MTUS1: variants seen among roughly 807,000 people sequenced by gnomAD.
MTUS1 encodes the protein microtubule-associated tumor suppressor 1.
In MTUS1, 109 loss-of-function variants were observed where a neutral mutation model predicts 120.8. That is an observed-to-expected ratio of 0.90 (90% CI 0.77 to 1.06). The LOEUF (loss-of-function observed/expected upper bound fraction) is 1.06. MTUS1 is among the 50% of genes least tolerant of loss of function. The pLI is 0.00. For synonymous variants in MTUS1, 737 were observed against 550.5 expected (o/e 1.34, Z -4.74); for missense variants, 2,210 against 1,486.3 (o/e 1.49, Z -8.01).
chr8:17,721,612 ACAAGTTAC>A, intron 4 of MTUS1: 1 of 1,363,428 alleles, frequency 7.3e-7, no homozygotes, highest in Non-Finnish European at 9.8e-7. Context: ...ACCATAAATT[ACAAGTTAC>A]AAAAACAGAA....
At chr8:17,796,275 G>A (rs1232589025) in intron 1 of MTUS1, among the ~76,000 whole-genome samples, 1 of 152,306 alleles carries the variant, frequency 6.6e-6, no homozygotes. Context: ...TTAGATATGG[G>A]CCTGCTAGCA....
Position 17,653,177 on chromosome 8 carries a change from A to G in MTUS1, c.3384+9T>C. 1.3e-6 allele frequency: 2 copies of G among 1,501,248 alleles called. No homozygotes were observed. The highest frequency in any genetic ancestry group is 1.8e-6 in the Non-Finnish European group (2 of 1,114,842). The allele number at this position is 1,501,248 out of a possible 1,614,324, so 93.0% of individuals were successfully genotyped here. The stretch of plus-strand genomic sequence containing the variant: ...ATTCCATACTGATAAAGGAGCACAC[A>G]CAACTTACCAAATTTGCTTTTTCTC... On this transcript the variant is annotated intron_variant, in intron 12 of 14. Transcript: ENST00000693296.
At chr8:17,716,967 CACTT>C (rs1439183645) in intron 4 of MTUS1, among the ~76,000 whole-genome samples, 3 of 152,218 alleles carry the variant, frequency 2.0e-5, no homozygotes, top group African/African-American at 7.2e-5. Context: ...TCACTTCACT[CACTT>C]AGCAAAGGGT....
At chr8:17,742,273 T>G (rs957138685) in intron 3 of MTUS1, among the ~76,000 whole-genome samples, 6 of 122,256 alleles carry the variant, frequency 4.9e-5, no homozygotes, top group African/African-American at 2.1e-4. Flanking sequence ...CCAGCTGTTT[T>G]TTTTTTTTGT....
chr8:17,681,134 A>G (rs908212197), intron 7 of MTUS1, among the ~76,000 whole-genome samples: 2 of 152,072 alleles, frequency 1.3e-5, no homozygotes, highest in Non-Finnish European at 2.9e-5. Context: ...GGGTTTTACC[A>G]TATTGGTCAG....
In MTUS1 at chr8:17,647,071, G is replaced by A. The variant is rs749925176; in HGVS notation, c.3510C>T (p.Asn1170=). The change falls in exon 14 of 15, where the codon AAC becomes AAT. Residue 1170 remains asparagine, a synonymous_variant. Transcript: ENST00000693296. The part of the protein sequence containing the change: ...KLMKMEKLVD[N]NTALVDKLKR... ...TCAATTTGTCAACCAATGCTGTGTT[G>A]TTGTCCACCTTGGCATAAACAAGAA... 5 of 1,613,276 alleles carry A rather than the reference G, an allele frequency of 3.1e-6. No homozygotes were observed. In the South Asian group the frequency reaches 3.3e-5, roughly 11 times the overall value.
At chr8:17,666,454 C>T (rs531466525) in intron 8 of MTUS1, among the ~76,000 whole-genome samples, 1 of 152,192 alleles carries the variant, frequency 6.6e-6, no homozygotes, top group South Asian at 2.1e-4. Flanking sequence ...GGAGTTACTT[C>T]ATATTATTCT....
At chr8:17,672,075 G>C (rs895408060) in intron 8 of MTUS1, among the ~76,000 whole-genome samples, 1 of 152,112 alleles carries the variant, frequency 6.6e-6, no homozygotes, top group Admixed American at 6.6e-5. Flanking sequence ...CACTCTACTG[G>C]ATCAGGAGAA....
In MTUS1 at chr8:17,761,547, T is replaced by C. The variant is rs116065819; in HGVS notation, c.-154-5586A>G. Among the ~76,000 whole-genome samples the C allele has an allele frequency of 4.2e-3, 645 of 152,304 alleles. 7 individuals are homozygous for C. The highest frequency in any genetic ancestry group is 0.015 in the African/African-American group (606 of 41,584). On this transcript the variant is annotated intron_variant, in intron 1 of 14. Transcript: ENST00000693296. ...TTCACCAACTGAACTAGAAACTCAA[T>C]AGAGGCTTATATAAGAGTAGATGTC...
At chr8:17,723,938 A>G (rs1184940715) in intron 3 of MTUS1, 105 bp from the exon 4 acceptor site, 2 of 853,618 alleles carry the variant, frequency 2.3e-6, no homozygotes, top group Non-Finnish European at 3.6e-6. Context: ...CAAAGTCAAA[A>G]CACAAAATGA....
At chr8:17,676,804 G>T (rs910160150) in intron 7 of MTUS1, among the ~76,000 whole-genome samples, 3 of 152,280 alleles carry the variant, frequency 2.0e-5, no homozygotes, top group African/African-American at 7.2e-5. Context: ...ACTAAATGAG[G>T]TTATGAACTA....
intron 4 of MTUS1, chr8:17,721,685 A>C: frequency 6.5e-7 from 1 of 1,543,954 alleles, no homozygotes; most frequent in South Asian, 1.3e-5. Flanking sequence ...GCTTACAAAG[A>C]AAAGAAACCA....
chr8:17,773,947 G>A (rs867259898), intron 1 of MTUS1, among the ~76,000 whole-genome samples: 2 of 152,030 alleles, frequency 1.3e-5, no homozygotes, highest in African/African-American at 2.4e-5. Context: ...AAGACTAGGA[G>A]GCACACCTAA....
At chr8:17,732,195 G>T (rs1453383771) in intron 3 of MTUS1, among the ~76,000 whole-genome samples, 1 of 152,210 alleles carries the variant, frequency 6.6e-6, no homozygotes, top group Admixed American at 6.5e-5. Flanking sequence ...GATGAGTGGA[G>T]AGGCAGAAAG....
intron 8 of MTUS1, among the ~76,000 whole-genome samples, chr8:17,661,502 G>C (rs1809687336): frequency 6.6e-6 from 1 of 152,152 alleles, no homozygotes; most frequent in African/African-American, 2.4e-5. Flanking sequence ...GACTACCCTG[G>C]CTGATTTTAA....
chr8:17,729,577 T>C (rs1197537009), intron 3 of MTUS1, among the ~76,000 whole-genome samples: 7 of 152,186 alleles, frequency 4.6e-5, no homozygotes, highest in Non-Finnish European at 8.8e-5. Context: ...TGCTATTCTA[T>C]TGTGAAAATT....
intron 7 of MTUS1, among the ~76,000 whole-genome samples, chr8:17,684,034 G>A (rs530142222): frequency 6.6e-6 from 1 of 152,248 alleles, no homozygotes; most frequent in East Asian, 1.9e-4. Context: ...AAATGCTAAT[G>A]CTAGTTTAGG....
At chr8:17,798,313 A>C (rs1313622942) in intron 1 of MTUS1, among the ~76,000 whole-genome samples, 1 of 152,132 alleles carries the variant, frequency 6.6e-6, no homozygotes, top group Non-Finnish European at 1.5e-5. Flanking sequence ...TGAATTTGAA[A>C]AGATTCTAAT....
chr8:17,697,437 C>G, intron 6 of MTUS1: 10 of 1,596,704 alleles, frequency 6.3e-6, no homozygotes, highest in Non-Finnish European at 7.7e-6. Context: ...CTGTCACATA[C>G]TGTCTTTTTA....
Sources: allele counts gnomAD v4.1 joint callset (sites outside exome capture counted in the v4.1 genomes callset), GRCh38; gene constraint gnomAD v4.1.1; transcripts MANE v1.5; gene names NCBI Gene and HGNC (gene_info 2026-07-23, HGNC 2026-07-21).